TMTC2: variants seen among roughly 807,000 people sequenced by gnomAD.
TMTC2 encodes the protein protein O-mannosyl-transferase TMTC2.
In TMTC2, 43 loss-of-function variants were observed where a neutral mutation model predicts 82.4. The ratio of observed to expected loss-of-function variants is 0.52; its 90% CI spans 0.41 to 0.67. The LOEUF (loss-of-function observed/expected upper bound fraction) is 0.67. Among genes scored for constraint, TMTC2 ranks in the 30% least tolerant of loss-of-function variants. The pLI, the probability that TMTC2 is intolerant of heterozygous loss-of-function variation, is 0.00. For missense variants in TMTC2, 919 were observed against 1,012.4 expected (o/e 0.91, Z 1.25); for synonymous variants, 408 against 381.9 (o/e 1.07, Z -0.80).
At chr12:82,702,334 GCTC>G (rs762426895) in intron 1 of TMTC2, among the ~76,000 whole-genome samples, 110 of 152,228 alleles carry the variant, frequency 7.2e-4, no homozygotes, top group Admixed American at 2.4e-3. Context: ...CAAGTGGAAA[GCTC>G]CTAAAAAGAA....
intron 9 of TMTC2, among the ~76,000 whole-genome samples, chr12:83,036,529 G>A (rs1881671708): frequency 6.9e-6 from 1 of 144,118 alleles, no homozygotes; most frequent in South Asian, 2.4e-4. Context: ...GGTAGGAATA[G>A]ATCCTAATTA....
chr12:83,106,947 A>G (rs75942387), intron 11 of TMTC2, among the ~76,000 whole-genome samples: 1 of 152,372 alleles, frequency 6.6e-6, no homozygotes, highest in Non-Finnish European at 1.5e-5. Context: ...TGTGACAAGA[A>G]ATGCTGTGCA....
At chr12:82,765,618 G>A (rs1876906251) in intron 1 of TMTC2, among the ~76,000 whole-genome samples, 1 of 151,864 alleles carries the variant, frequency 6.6e-6, no homozygotes, top group Non-Finnish European at 1.5e-5. Context: ...AGGTTGAGGT[G>A]AACCAAGATT....
At chr12:83,111,466 T>G (rs74106062) in intron 11 of TMTC2, among the ~76,000 whole-genome samples, 4,111 of 152,300 alleles carry the variant, frequency 0.027, 197 homozygotes, top group African/African-American at 0.095. Flanking sequence ...AATGCAATTT[T>G]CATGTGTTAT....
At chr12:83,018,024 G>GTA (rs34572060) in intron 8 of TMTC2, among the ~76,000 whole-genome samples, 80,076 of 142,278 alleles carry the variant, frequency 0.56, 24,239 homozygotes, top group East Asian at 0.84. Context: ...TATATATATA[G>GTA]TATATATATA....
intron 2 of TMTC2, among the ~76,000 whole-genome samples, chr12:82,871,845 T>A (rs902272271): frequency 6.6e-6 from 1 of 152,096 alleles, no homozygotes. Flanking sequence ...TTAATACATA[T>A]GTACTGTTTT....
rs188237921 is a variant in TMTC2, at chr12:83,080,414, C to G, written c.2331+18583C>G. ...GTGTGTGTGTGTAATGAATGATTAG[C>G]TAAGATTTTTATATCTGTAATTTGT... On this transcript the variant is annotated intron_variant, in intron 11 of 11. Transcript: ENST00000321196. 7.7e-3 allele frequency among the ~76,000 whole-genome samples: 1,165 copies of G among 151,836 alleles called. 13 individuals are homozygous for G. The highest frequency in any genetic ancestry group is 0.012 in the Non-Finnish European group (823 of 67,958).
intron 2 of TMTC2, among the ~76,000 whole-genome samples, chr12:82,859,448 A>G (rs765446128): frequency 6.6e-5 from 10 of 152,228 alleles, no homozygotes; most frequent in Non-Finnish European, 1.5e-4. Flanking sequence ...ATTTACTTGC[A>G]GGACCTTACG....
intron 3 of TMTC2, among the ~76,000 whole-genome samples, chr12:82,927,507 A>G (rs755983061): frequency 3.9e-5 from 6 of 152,212 alleles, no homozygotes; most frequent in Non-Finnish European, 5.9e-5. Context: ...ACAAAGCACT[A>G]GAATGTTATA....
intron 1 of TMTC2, among the ~76,000 whole-genome samples, chr12:82,822,355 A>G (rs781375779): frequency 4.6e-5 from 7 of 152,214 alleles, no homozygotes; most frequent in African/African-American, 7.2e-5. Context: ...ATGTACCACT[A>G]TAGCCAGGAT....
chr12:82,926,781 A>G (rs940538795), intron 3 of TMTC2, among the ~76,000 whole-genome samples: 23 of 152,294 alleles, frequency 1.5e-4, no homozygotes, highest in Admixed American at 5.9e-4. Flanking sequence ...GCCCTTAAGA[A>G]TAATGCTAAA....
intron 9 of TMTC2, among the ~76,000 whole-genome samples, chr12:83,046,069 A>T (rs1434803020): frequency 1.3e-5 from 2 of 152,046 alleles, no homozygotes; most frequent in African/African-American, 4.8e-5. Context: ...AAAGCTTTTT[A>T]CTAAACTGTC....
At chr12:82,905,974 G>T (rs1006933820) in intron 3 of TMTC2, among the ~76,000 whole-genome samples, 24 of 151,214 alleles carry the variant, frequency 1.6e-4, no homozygotes, top group Admixed American at 1.6e-3. Context: ...AAAGGAAAAA[G>T]AGAGAGTCAA....
At chr12:82,903,537 G>C (rs905374716) in intron 3 of TMTC2, among the ~76,000 whole-genome samples, 2 of 152,022 alleles carry the variant, frequency 1.3e-5, no homozygotes, top group African/African-American at 4.8e-5. Context: ...TCAGCCTCCC[G>C]AGTAGCTGGG....
intron 4 of TMTC2, among the ~76,000 whole-genome samples, chr12:82,940,766 T>TC (rs398116680): frequency 1.3e-5 from 2 of 151,600 alleles, no homozygotes; most frequent in Non-Finnish European, 2.9e-5. Flanking sequence ...TCCTTTTTTT[T>TC]CTCAGCTTAA....
intron 2 of TMTC2, among the ~76,000 whole-genome samples, chr12:82,868,567 A>G (rs553959376): frequency 6.6e-6 from 1 of 152,040 alleles, no homozygotes; most frequent in Admixed American, 6.5e-5. Flanking sequence ...TATATCTGAA[A>G]ATGGAGGGGA....
At chr12:82,776,185 G>T (rs890458238) in intron 1 of TMTC2, among the ~76,000 whole-genome samples, 2 of 151,966 alleles carry the variant, frequency 1.3e-5, no homozygotes, top group Admixed American at 1.3e-4. Flanking sequence ...AGCATTTTTT[G>T]AAACTGCTTG....
intron 8 of TMTC2, among the ~76,000 whole-genome samples, chr12:83,022,659 G>A (rs541334691): frequency 4.9e-4 from 73 of 150,320 alleles, no homozygotes; most frequent in African/African-American, 1.5e-3. Flanking sequence ...GACCATTAGC[G>A]TAGTACATTT....
At chr12:83,100,699 A>T (rs1565888086) in intron 11 of TMTC2, among the ~76,000 whole-genome samples, 1 of 152,084 alleles carries the variant, frequency 6.6e-6, no homozygotes, top group Non-Finnish European at 1.5e-5. Context: ...GCTTGGGAGA[A>T]GTCTTGTTGT....
Sources: gnomAD v4.1 joint callset for allele counts (sites outside exome capture counted in the v4.1 genomes callset) on GRCh38, gnomAD v4.1.1 for gene constraint, MANE v1.5 for transcripts, NCBI Gene and HGNC (gene_info 2026-07-23, HGNC 2026-07-21) for gene names.